The following ABCF1 variants were observed in gnomAD, a reference collection of about 807,000 sequenced individuals.
The protein encoded by ABCF1 is ATP-binding cassette sub-family F member 1.
ABCF1 carries 73 observed loss-of-function variants against 126.3 expected under a neutral mutation model. The ratio of observed to expected loss-of-function variants is 0.58; its 90% CI spans 0.48 to 0.70. The LOEUF is 0.70. Among genes scored for constraint, ABCF1 ranks in the 30% least tolerant of loss-of-function variants. ABCF1 has a pLI of 0.00. For missense variants in ABCF1, 786 were observed against 1,057.5 expected (o/e 0.74, Z 3.56); for synonymous variants, 345 against 396.4 (o/e 0.87, Z 1.54).
At chr6:30,579,094 C>T (rs937073527) in intron 6 of ABCF1, among the ~76,000 whole-genome samples, 9 of 152,152 alleles carry the variant, frequency 5.9e-5, no homozygotes, top group African/African-American at 2.2e-4. Flanking sequence ...AACAAAGCCC[C>T]AGGTCCTTGC....
chr6:30,587,249 CAAAA>C (rs9278735), intron 20 of ABCF1, among the ~76,000 whole-genome samples: 4 of 139,170 alleles, frequency 2.9e-5, no homozygotes, highest in Non-Finnish European at 1.6e-5. Flanking sequence ...GACTCCATCT[CAAAA>C]AAAAAAAAAA....
In ABCF1 at chr6:30,583,520, C is replaced by CAGGGAGAAAGTGGCCGCTCCTGTCCCAA; in HGVS notation, c.916-79_916-52dup. 1 of 1,380,612 alleles carries CAGGGAGAAAGTGGCCGCTCCTGTCCCAA rather than the reference C, an allele frequency of 7.2e-7. No homozygotes were observed. The highest frequency in any genetic ancestry group is 1.0e-6 in the Non-Finnish European group (1 of 976,298). The allele number at this position is 1,380,612 out of a possible 1,614,324, so 85.5% of individuals were successfully genotyped here. A position where few individuals can be genotyped will look rare whatever the true frequency, so the allele number is the denominator to read the frequency against. On this transcript the variant is annotated intron_variant, in intron 10 of 24. Transcript: ENST00000326195. This position sits in a 1 kb window ranked among gnomAD's most constrained non-coding sequence, Gnocchi z 4.1. ...TAGCGGTTTGTCAGAGGCTTCCCTGCAGGGAGAAAGTGGCCGCTCCTGTCC... is the reference window on the plus strand; with the variant it reads ...TAGCGGTTTGTCAGAGGCTTCCCTGCAGGGAGAAAGTGGCCGCTCCTGTCCCAAAGGGAGAAAGTGGCCGCTCCTGTCC...
chr6:30,582,671 G>T (rs1024630136), intron 9 of ABCF1, among the ~76,000 whole-genome samples, 164 bp downstream of exon 9: 1 of 152,134 alleles, frequency 6.6e-6, no homozygotes, highest in African/African-American at 2.4e-5. Context: ...AATGTCTGAT[G>T]ACATGGGCTG....
chr6:30,571,946 C>A (rs559932145), intron 1 of ABCF1, among the ~76,000 whole-genome samples: 1 of 152,118 alleles, frequency 6.6e-6, no homozygotes, highest in African/African-American at 2.4e-5. Context: ...CATACACACA[C>A]CTTGGGAGCC....
intron 8 of ABCF1, among the ~76,000 whole-genome samples, chr6:30,581,494 C>T (rs931522764): frequency 8.0e-5 from 12 of 149,272 alleles, no homozygotes; most frequent in Admixed American, 6.8e-5. Flanking sequence ...ACCTCTGCCT[C>T]CCGGGTTCAA....
intron 20 of ABCF1, among the ~76,000 whole-genome samples, chr6:30,588,173 T>C (rs183722661): frequency 1.3e-5 from 2 of 152,312 alleles, no homozygotes. Flanking sequence ...AGTGCTGGGA[T>C]TACAGGCGTG....
rs745492113 is a variant in ABCF1 at position 30,578,461 on chromosome 6, A to G, written c.382-9A>G. Reference sequence around the variant, plus strand: ...TCCTACTGACTTCTGTGGCCCTTTCATTCTCTAGGGTGGTAATGTTTTTGC... The same window carrying G: ...TCCTACTGACTTCTGTGGCCCTTTCGTTCTCTAGGGTGGTAATGTTTTTGC... On this transcript the variant is annotated splice_polypyrimidine_tract_variant and intron_variant, in intron 5 of 24. Coordinates refer to ENST00000326195, the MANE Select transcript of ABCF1 (RefSeq NM_001025091.2). The G allele has an allele frequency of 1.2e-6, 2 of 1,613,946 alleles. No homozygotes were observed. Among genetic ancestry groups the G allele is most frequent in the Admixed American group, 3.3e-5 (2 of 59,972 alleles).
At chr6:30,578,798 G>A (rs951371126) in intron 6 of ABCF1, among the ~76,000 whole-genome samples, 10 of 152,068 alleles carry the variant, frequency 6.6e-5, no homozygotes, top group African/African-American at 2.4e-4. Flanking sequence ...TCAAGAGATC[G>A]AGACCAGCCT....
At chr6:30,573,184 A>G (rs1265741929) in intron 1 of ABCF1, among the ~76,000 whole-genome samples, 1 of 152,202 alleles carries the variant, frequency 6.6e-6, no homozygotes. Flanking sequence ...CAAGGCCTGA[A>G]GAATAAAGAG....
intron 7 of ABCF1, 137 bp from the exon 8 acceptor site, chr6:30,580,269 C>T: frequency 4.1e-6 from 3 of 737,392 alleles, no homozygotes; most frequent in East Asian, 3.2e-5. Flanking sequence ...ATGGCGTGAA[C>T]CCGGGAGGTG....
chr6:30,590,554 T>C lies in ABCF1; in HGVS notation c.2391T>C (p.His797=). 1 of 1,612,082 alleles carries C rather than the reference T, an allele frequency of 6.2e-7. No homozygotes were observed. Among genetic ancestry groups the C allele is most frequent in the Non-Finnish European group, 8.5e-7 (1 of 1,179,668 alleles). Residue 797 remains histidine, a synonymous_variant, in exon 25 of 25, where the codon CAT becomes CAC. Transcript: ENST00000326195. The part of the protein sequence containing the change: ...EYKGAVIVVS[H]DARLITETNC... The stretch of plus-strand genomic sequence containing the variant: ...TCAAAGCTGTGATCGTTGTCAGCCA[T>C]GATGCCCGACTCATCACAGAAACCA...
intron 24 of ABCF1, 58 bp downstream of exon 24, chr6:30,590,436 C>T: frequency 6.4e-7 from 1 of 1,572,040 alleles, no homozygotes; most frequent in Non-Finnish European, 8.7e-7. Context: ...GCTGTAGTGT[C>T]CTTCACTACA....
chr6:30,589,447 CAAAAAATT>C (rs1428514386), intron 20 of ABCF1: 1 of 573,984 alleles, frequency 1.7e-6, no homozygotes, highest in Non-Finnish European at 3.1e-6. Flanking sequence ...ACTAAAAATA[CAAAAAATT>C]AGCCGGGTGT....
chr6:30,586,287 C>T lies in ABCF1; in HGVS notation c.1867C>T (p.Pro623Ser), dbSNP rs758141416. ...TFPDPPPLSP[P>S]VLGLHGVTFG... is the part of the protein sequence containing the mutation. ...TCCAGACCCCCCACCACTCAGCCCT[C>T]CAGTGCTGGGTCTGCATGGTGAGTG... is the stretch of plus-strand genomic sequence containing the variant. The change falls in exon 18 of 25, where the codon CCA becomes TCA. Residue 623 changes from proline (P) to serine (S), a missense_variant. Pro to Ser is a moderately conservative substitution (Grantham distance 74, BLOSUM62 -1). Transcript: ENST00000326195. The surrounding 1 kb of genome is among the most constrained non-coding windows in gnomAD (Gnocchi z 4.9). 2.5e-6 allele frequency: 4 copies of T among 1,610,332 alleles called. No individual in the cohort carries two copies. The highest frequency in any genetic ancestry group is 3.4e-6 in the Non-Finnish European group (4 of 1,178,190).
Position 30,578,212 on chromosome 6 carries a change from C to G in ABCF1, c.343+10C>G, listed in dbSNP as rs1381461805. 1 of 1,613,786 alleles carries G rather than the reference C, an allele frequency of 6.2e-7. No homozygotes were observed. The highest frequency in any genetic ancestry group is 8.5e-7 in the Non-Finnish European group (1 of 1,179,908). On this transcript the variant is annotated intron_variant, in intron 4 of 24. Transcript: ENST00000326195. The stretch of plus-strand genomic sequence containing the variant: ...GATGAGGAGGATGAAGGTAAATGAC[C>G]TGAGGGGGAATGGGTACCTGGAATC...
In ABCF1 at chr6:30,590,808, A is replaced by G. The variant is rs982621315; in HGVS notation, c.*107A>G. 7.0e-6 allele frequency: 9 copies of G among 1,282,192 alleles called. No individual in the cohort carries two copies. Among genetic ancestry groups the G allele is most frequent in the African/African-American group, 4.5e-5 (3 of 66,892 alleles). 79.4% of individuals were successfully genotyped at this position (1,282,192 alleles called of 1,614,324 possible). On this transcript the variant is annotated 3_prime_UTR_variant, in exon 25 of 25. Transcript: ENST00000326195. Reference sequence around the variant, plus strand: ...CCTCTGGCCTGCAGCTGACCTGGCAACCATTCAGGCACATGAAGGTGGAGT... The same window carrying G: ...CCTCTGGCCTGCAGCTGACCTGGCAGCCATTCAGGCACATGAAGGTGGAGT...
rs1561799486 is a variant in ABCF1 at position 30,586,599 on chromosome 6, G to C, written c.1961-42G>C. 6.2e-7 allele frequency: 1 copy of C among 1,613,154 alleles called. No homozygotes were observed. The highest frequency in any genetic ancestry group is 2.2e-5 in the East Asian group (1 of 44,882). On this transcript the variant is annotated intron_variant, in intron 19 of 24. Coordinates refer to ENST00000326195, the MANE Select transcript of ABCF1 (RefSeq NM_001025091.2). This position sits in a 1 kb window ranked among gnomAD's most constrained non-coding sequence, Gnocchi z 4.9. ...ATGTGTAGCAGGAGCCACAGGGAGA[G>C]TCTCTGGGGACCTCTTTGACCACCT...
At chr6:30,572,231 T>C (rs1280092396) in intron 1 of ABCF1, among the ~76,000 whole-genome samples, 2 of 152,224 alleles carry the variant, frequency 1.3e-5, no homozygotes, top group African/African-American at 4.8e-5. Flanking sequence ...CTAACCCCAG[T>C]AGGTACACAG....
rs375738336 is a variant in ABCF1, at chr6:30,578,556, G to A, written c.468G>A (p.Pro156=). The A allele has an allele frequency of 1.7e-4, 282 of 1,613,674 alleles. 1 individual carries two copies. Among genetic ancestry groups the A allele is most frequent in the Admixed American group, 1.3e-3 (77 of 59,926 alleles). The change falls in exon 6 of 25, where the codon CCG becomes CCA. Residue 156 remains proline (P), a synonymous_variant. Coordinates refer to ENST00000326195, the MANE Select transcript of ABCF1 (RefSeq NM_001025091.2). ...AACATCCTCCTAAGCCTGCCAAGCCGGAGAAGAATCGGATCAATAAGGTGA... is the reference window on the plus strand; with the variant it reads ...AACATCCTCCTAAGCCTGCCAAGCCAGAGAAGAATCGGATCAATAAGGTGA... The part of the protein sequence containing the change: ...EEKHPPKPAK[P]EKNRINKAVS...
Sources: gnomAD v4.1 joint callset for allele counts (sites outside exome capture counted in the v4.1 genomes callset) on GRCh38, gnomAD v4.1.1 for gene constraint, Gnocchi (gnomAD v3.1) non-coding constraint, MANE v1.5 for transcripts, NCBI Gene and HGNC (gene_info 2026-07-23, HGNC 2026-07-21) for gene names.